The following ACOX3 variants were observed in gnomAD, a reference collection of about 807,000 sequenced individuals.
The protein encoded by ACOX3 is acyl-CoA oxidase 3, pristanoyl, also known as peroxisomal acyl-coenzyme A oxidase 3.
A neutral mutation model predicts 81.5 loss-of-function variants in ACOX3; 73 were observed. The ratio of observed to expected loss-of-function variants is 0.90; its 90% CI spans 0.74 to 1.09. The LOEUF is 1.09. Among genes scored for constraint, ACOX3 ranks in the 50% least tolerant of loss-of-function variants. ACOX3 has a pLI of 0.00. For missense variants in ACOX3, 947 were observed against 928.0 expected (o/e 1.02, Z -0.27); for synonymous variants, 387 against 375.1 (o/e 1.03, Z -0.37).
Position 8,414,198 on chromosome 4 carries a change from A to T in ACOX3, c.543+94T>A. 1 of 1,083,020 alleles carries T rather than the reference A, an allele frequency of 9.2e-7. No homozygotes were observed. Among genetic ancestry groups the T allele is most frequent in the Non-Finnish European group, 1.4e-6 (1 of 712,870 alleles). 67.1% of individuals were successfully genotyped at this position (1,083,020 alleles called of 1,614,324 possible). On this transcript the variant is annotated intron_variant, in intron 5 of 17. Coordinates refer to ENST00000356406, the MANE Select transcript of ACOX3 (RefSeq NM_003501.3). This position sits in a 1 kb window ranked among gnomAD's most constrained non-coding sequence, Gnocchi z 6.1. ...TGTATGTGGACAGGCCTCTTGCTTT[A>T]ATGTTTTTTTTTTCTTATTCTGGGC...
At chr4:8,379,472 C>T (rs377072865) in intron 14 of ACOX3, among the ~76,000 whole-genome samples, 3 of 152,216 alleles carry the variant, frequency 2.0e-5, no homozygotes, top group African/African-American at 4.8e-5. Context: ...CCAGGGTCAC[C>T]GTCTCAGCCG....
intron 14 of ACOX3, among the ~76,000 whole-genome samples, chr4:8,375,567 A>C (rs1417851189): frequency 6.6e-6 from 1 of 152,104 alleles, no homozygotes; most frequent in Non-Finnish European, 1.5e-5. Flanking sequence ...GGAGCTGGAG[A>C]AGGGGCTTGT....
chr4:8,436,888 A>G (rs1030153487), intron 1 of ACOX3, among the ~76,000 whole-genome samples: 1 of 148,410 alleles, frequency 6.7e-6, no homozygotes, highest in Non-Finnish European at 1.5e-5. Context: ...GCTACTCGGG[A>G]GGCTGAGGCA....
At chr4:8,362,935 A>C (rs1004440317), downstream of ACOX3, among the ~76,000 whole-genome samples, 12 of 152,268 alleles carry the variant, frequency 7.9e-5, no homozygotes, top group Admixed American at 2.0e-4. Flanking sequence ...GCCAAGTATA[A>C]TAAAATCAGT....
intron 7 of ACOX3, among the ~76,000 whole-genome samples, chr4:8,404,771 G>A (rs892567571): frequency 6.6e-6 from 1 of 152,162 alleles, no homozygotes; most frequent in Non-Finnish European, 1.5e-5. Context: ...CACCAGCCTC[G>A]CTATGAAACA....
the ACOX3 span, chr4:8,355,338 G>T: frequency 6.6e-6 from 1 of 152,220 alleles, no homozygotes; most frequent in African/African-American, 2.4e-5. Context: ...GGCTTTATTT[G>T]CTCCAACAGA....
chr4:8,389,409 G>T lies in ACOX3; in HGVS notation c.1424-123C>A. On this transcript the variant is annotated intron_variant, in intron 12 of 17. Transcript: ENST00000356406. The surrounding 1 kb of genome is among the most constrained non-coding windows in gnomAD (Gnocchi z 5.3). Reference sequence around the variant, plus strand: ...GGACCCGACGGCCACAGACCCACAGGCGAGGGTCTGGGTCTCAAGGACCCT... The same window carrying T: ...GGACCCGACGGCCACAGACCCACAGTCGAGGGTCTGGGTCTCAAGGACCCT... 8.0e-7 allele frequency: 1 copy of T among 1,250,232 alleles called. No homozygotes were observed. Among genetic ancestry groups the T allele is most frequent in the Non-Finnish European group, 1.1e-6 (1 of 898,738 alleles). The allele number at this position is 1,250,232 out of a possible 1,614,324, so 77.4% of individuals were successfully genotyped here.
intron 1 of ACOX3, among the ~76,000 whole-genome samples, chr4:8,424,197 G>C (rs1405709789): frequency 6.6e-6 from 1 of 152,210 alleles, no homozygotes; most frequent in African/African-American, 2.4e-5. Flanking sequence ...GCCGAATATG[G>C]ATTCCCAGGT....
chr4:8,412,441 T>C (rs1721828437), intron 5 of ACOX3, among the ~76,000 whole-genome samples: 1 of 151,934 alleles, frequency 6.6e-6, no homozygotes. Context: ...GAAGAATGAA[T>C]GGATGGATGG....
chr4:8,366,964 G>C lies in ACOX3; in HGVS notation c.2100C>G (p.Leu700=). The C allele has an allele frequency of 1.2e-6, 2 of 1,613,888 alleles. No homozygotes were observed. Among genetic ancestry groups the C allele is most frequent in the Non-Finnish European group, 1.7e-6 (2 of 1,179,884 alleles). Residue 700 remains leucine, a synonymous_variant, in exon 18 of 18, where the codon CTC becomes CTG. Coordinates refer to ENST00000356406, the MANE Select transcript of ACOX3 (RefSeq NM_003501.3). ...KPVIGSLKSK[L] ...GGCTGAATGTGTGCCAGTCCCACTA[G>C]AGCTTCGATTTCAGACTTCCTATGA... is the stretch of plus-strand genomic sequence containing the variant.
Position 8,392,294 on chromosome 4 carries a change from T to C in ACOX3, c.1300+39A>G, listed in dbSNP as rs1560180252. 4 of 1,461,400 alleles carry C rather than the reference T, an allele frequency of 2.7e-6. No homozygotes were observed. The East Asian group carries it at 7.7e-5, about 28-fold the overall frequency. 90.5% of individuals were successfully genotyped at this position (1,461,400 alleles called of 1,614,324 possible). A position where few individuals can be genotyped will look rare whatever the true frequency, so the allele number is the denominator to read the frequency against. ...CTGGTCTAGAGTCAAACAGCAGGGC[T>C]AAGGACAGGAAACCACCATGCGCTT... On this transcript the variant is annotated intron_variant, in intron 11 of 17. Coordinates refer to ENST00000356406, the MANE Select transcript of ACOX3 (RefSeq NM_003501.3).
chr4:8,437,357 A>G lies in ACOX3; in HGVS notation c.-15+3291T>C, dbSNP rs913360584. On this transcript the variant is annotated intron_variant, in intron 1 of 17. Coordinates refer to ENST00000356406, the MANE Select transcript of ACOX3 (RefSeq NM_003501.3). The surrounding 1 kb of genome is among the most constrained non-coding windows in gnomAD (Gnocchi z 5.2). Reference sequence around the variant, plus strand: ...TCTCCCCGGCTCAGCTCTATCTAGAAAAAAAGAGGAGGCTAGAGACCGGTG... The same window carrying G: ...TCTCCCCGGCTCAGCTCTATCTAGAGAAAAAGAGGAGGCTAGAGACCGGTG... 6.6e-6 allele frequency among the ~76,000 whole-genome samples: 1 copy of G among 152,122 alleles called. No individual in the cohort carries two copies. Among genetic ancestry groups the G allele is most frequent in the African/African-American group, 2.4e-5 (1 of 41,534 alleles).
At chr4:8,435,209 T>C (rs1579011364) in intron 1 of ACOX3, among the ~76,000 whole-genome samples, 1 of 152,344 alleles carries the variant, frequency 6.6e-6, no homozygotes, top group South Asian at 2.1e-4. Context: ...TGCCCTCTTT[T>C]GCTGGGCGCG....
At chr4:8,373,212 C>G (rs905587933) in intron 16 of ACOX3, among the ~76,000 whole-genome samples, 3 of 152,086 alleles carry the variant, frequency 2.0e-5, no homozygotes, top group African/African-American at 7.3e-5. Flanking sequence ...TGGAGACGCC[C>G]CGACAGGTTT....
intron 1 of ACOX3, 137 bp downstream of exon 1, chr4:8,440,511 G>A: frequency 6.6e-6 from 2 of 301,610 alleles, no homozygotes; most frequent in Non-Finnish European, 1.2e-5. Context: ...ACAAACTTAG[G>A]CTCCCTGACT....
chr4:8,388,666 C>T (rs925338838), intron 13 of ACOX3, among the ~76,000 whole-genome samples: 1 of 152,232 alleles, frequency 6.6e-6, no homozygotes, highest in African/African-American at 2.4e-5. Flanking sequence ...CCACCCCGAC[C>T]ACCGCACCCA....
At chr4:8,379,466 G>A (rs548608566) in intron 14 of ACOX3, among the ~76,000 whole-genome samples, 2 of 152,322 alleles carry the variant, frequency 1.3e-5, no homozygotes, top group Non-Finnish European at 2.9e-5. Context: ...CTCAGCCCAG[G>A]GTCACCGTCT....
At chr4:8,388,517 C>A (rs190088879) in intron 13 of ACOX3, among the ~76,000 whole-genome samples, 1 of 152,246 alleles carries the variant, frequency 6.6e-6, no homozygotes. Flanking sequence ...CACGGCCAGG[C>A]GCCTCATTCC....
intron 16 of ACOX3, among the ~76,000 whole-genome samples, chr4:8,371,691 C>G (rs1020255683): frequency 1.3e-5 from 2 of 152,272 alleles, no homozygotes; most frequent in African/African-American, 4.8e-5. Context: ...CTCTGCGCTT[C>G]AGCGCCGCGC....
Sources: allele counts gnomAD v4.1 joint callset (sites outside exome capture counted in the v4.1 genomes callset), GRCh38; gene constraint gnomAD v4.1.1; non-coding constraint Gnocchi (gnomAD v3.1); transcripts MANE v1.5; gene names NCBI Gene and HGNC (gene_info 2026-07-23, HGNC 2026-07-21).